The following STOX2 variants were observed in gnomAD, a reference collection of about 807,000 sequenced individuals.
STOX2 encodes storkhead-box protein 2.
In STOX2, 28 loss-of-function variants were observed where a neutral mutation model predicts 60.9. That is an observed-to-expected ratio of 0.46 (90% CI 0.34 to 0.63). The LOEUF is 0.63. Among genes scored for constraint, STOX2 ranks in the 30% least tolerant of loss-of-function variants. STOX2 has a pLI of 0.01. For synonymous variants in STOX2, 472 were observed against 463.9 expected (o/e 1.02, Z -0.22); for missense variants, 1,024 against 1,187.7 (o/e 0.86, Z 2.03).
chr4:183,935,250 T>C (rs1456663790), intron 1 of STOX2, among the ~76,000 whole-genome samples: 1 of 152,210 alleles, frequency 6.6e-6, no homozygotes, highest in Non-Finnish European at 1.5e-5. Flanking sequence ...CCCTGGAACC[T>C]CATCTGCTAA....
At chr4:183,855,953 T>A (rs1235891760) in intron 1 of STOX2, among the ~76,000 whole-genome samples, 2 of 152,208 alleles carry the variant, frequency 1.3e-5, no homozygotes, top group African/African-American at 2.4e-5. Context: ...CGGAGAATGC[T>A]CTGGCCACAG....
chr4:183,902,445 G>A (rs1741482799), upstream of STOX2, among the ~76,000 whole-genome samples: 1 of 152,102 alleles, frequency 6.6e-6, no homozygotes, highest in Non-Finnish European at 1.5e-5. Context: ...CTATAAAATC[G>A]ATTTGCTTTA....
At chr4:184,002,837 C>T (rs12501896) in intron 2 of STOX2, among the ~76,000 whole-genome samples, 52,727 of 152,080 alleles carry the variant, frequency 0.35, 10,891 homozygotes, top group South Asian at 0.48. Context: ...CTTTTGTCCC[C>T]GAGGAACGTT....
intron 1 of STOX2, among the ~76,000 whole-genome samples, chr4:183,982,669 A>C (rs17075182): frequency 0.016 from 2,377 of 152,320 alleles, 46 homozygotes; most frequent in Middle Eastern, 0.044. Flanking sequence ...TCTTTTCGAT[A>C]GATTCTGGGG....
At chr4:183,939,966 C>T (rs937612596) in intron 1 of STOX2, among the ~76,000 whole-genome samples, 7 of 152,190 alleles carry the variant, frequency 4.6e-5, no homozygotes, top group African/African-American at 1.7e-4. Flanking sequence ...TGCAATGGCA[C>T]GATCTCAGCT....
chr4:183,887,343 C>A (rs1178137134), intron 1 of STOX2, among the ~76,000 whole-genome samples: 1 of 151,772 alleles, frequency 6.6e-6, no homozygotes. Context: ...GTCAGAGACA[C>A]CATCAATTTA....
chr4:183,923,492 A>G (rs1405749303), intron 1 of STOX2, among the ~76,000 whole-genome samples: 1 of 152,230 alleles, frequency 6.6e-6, no homozygotes, highest in East Asian at 1.9e-4. Context: ...GGCCGCTGTC[A>G]CTTGATTAAT....
At chr4:183,949,447 C>T (rs576176780) in intron 1 of STOX2, among the ~76,000 whole-genome samples, 3 of 152,154 alleles carry the variant, frequency 2.0e-5, no homozygotes, top group African/African-American at 7.2e-5. Context: ...TGCCTGTAAT[C>T]CCAGCACTTA....
intron 1 of STOX2, among the ~76,000 whole-genome samples, chr4:183,877,997 C>T (rs147709534): frequency 2.5e-3 from 385 of 152,286 alleles, no homozygotes; most frequent in African/African-American, 8.7e-3. Flanking sequence ...GCTTATGCCA[C>T]ACTTTCACAT....
chr4:183,980,915 A>T (rs1732638764), intron 1 of STOX2, among the ~76,000 whole-genome samples: 1 of 152,196 alleles, frequency 6.6e-6, no homozygotes, highest in African/African-American at 2.4e-5. Flanking sequence ...AGTTCTAATT[A>T]AATAAGCCAG....
At chr4:183,940,171 G>A (rs1192445186) in intron 1 of STOX2, among the ~76,000 whole-genome samples, 1 of 152,156 alleles carries the variant, frequency 6.6e-6, no homozygotes, top group Non-Finnish European at 1.5e-5. Flanking sequence ...CCAAAGTGCT[G>A]GGATTACAGG....
chr4:183,819,381 A>C (rs1739247994), intron 1 of STOX2, among the ~76,000 whole-genome samples: 1 of 151,874 alleles, frequency 6.6e-6, no homozygotes, highest in Non-Finnish European at 1.5e-5. Flanking sequence ...CGTCTCCACC[A>C]AAAAAATACG....
rs564422410 is a variant in STOX2, at chr4:183,923,886, C to T, written c.166+16930C>T. Among the ~76,000 whole-genome samples the T allele has an allele frequency of 3.2e-4, 48 of 152,284 alleles. 1 individual carries two copies. The highest frequency in any genetic ancestry group is 1.8e-3 in the Admixed American group (27 of 15,288). ...TCTGTCCTTGTGTTCTAGATATACCCTCCGGAAGGTAGGAACACTCTGTAG... is the reference window on the plus strand; with the variant it reads ...TCTGTCCTTGTGTTCTAGATATACCTTCCGGAAGGTAGGAACACTCTGTAG... On this transcript the variant is annotated intron_variant, in intron 1 of 3. Coordinates refer to ENST00000308497, the MANE Select transcript of STOX2 (RefSeq NM_020225.3).
chr4:183,993,462 C>G (rs979179426), intron 1 of STOX2, among the ~76,000 whole-genome samples: 3 of 152,162 alleles, frequency 2.0e-5, no homozygotes, highest in African/African-American at 7.2e-5. Flanking sequence ...TAAGTAATAG[C>G]TAATGGACAC....
Position 183,995,291 on chromosome 4 carries a change from C to CT in STOX2, c.167-6002dup, listed in dbSNP as rs61681165. Among the ~76,000 whole-genome samples the CT allele has an allele frequency of 2.9e-3, 228 of 79,430 alleles. 15 individuals carry two copies. Among genetic ancestry groups the CT allele is most frequent in the African/African-American group, 0.012 (189 of 16,120 alleles). The allele number at this position is 79,430 out of a possible 152,430, so 52.1% of individuals were successfully genotyped here. A position where few individuals can be genotyped will look rare whatever the true frequency, so the allele number is the denominator to read the frequency against. ...ATAAAGGACAGGGCTTTATTTTAGT[C>CT]TTTTTTTTTTTTTTTTTTTTTTTTT... On this transcript the variant is annotated intron_variant, in intron 1 of 3. Coordinates refer to ENST00000308497, the MANE Select transcript of STOX2 (RefSeq NM_020225.3).
At chr4:183,799,619 C>A (rs549483496) in intron 1 of STOX2, among the ~76,000 whole-genome samples, 28 of 152,136 alleles carry the variant, frequency 1.8e-4, no homozygotes, top group Admixed American at 7.2e-4. Context: ...GTATCAATGG[C>A]ATGGCCGGTC....
intron 1 of STOX2, among the ~76,000 whole-genome samples, chr4:183,849,180 G>A (rs1190844966): frequency 5.9e-5 from 9 of 152,206 alleles, no homozygotes; most frequent in Non-Finnish European, 1.3e-4. Context: ...TACCAAAATT[G>A]GAGCTTGGAA....
chr4:183,808,484 A>G (rs1007481859), intron 1 of STOX2, among the ~76,000 whole-genome samples: 1 of 152,228 alleles, frequency 6.6e-6, no homozygotes, highest in East Asian at 1.9e-4. Flanking sequence ...GTCTAGGTTG[A>G]TCACTTTCCT....
intron 1 of STOX2, among the ~76,000 whole-genome samples, chr4:183,894,158 TAAA>T (rs997920997): frequency 6.6e-6 from 1 of 151,774 alleles, no homozygotes; most frequent in Non-Finnish European, 1.5e-5. Flanking sequence ...CTCCAAAAAA[TAAA>T]AAAAATTAAA....
Sources: allele counts gnomAD v4.1 joint callset (sites outside exome capture counted in the v4.1 genomes callset), GRCh38; gene constraint gnomAD v4.1.1; transcripts MANE v1.5; gene names NCBI Gene and HGNC (gene_info 2026-07-23, HGNC 2026-07-21).